GALNT16: variants seen among roughly 807,000 people sequenced by gnomAD.
GALNT16 encodes polypeptide N-acetylgalactosaminyltransferase 16, also known as UDP-GalNAc:polypeptide N-acetylgalactosaminyltransferase-like protein 1.
Under a neutral mutation model 76.1 loss-of-function variants are expected in GALNT16, and 40 were observed. The observed-to-expected ratio is 0.53, with a 90% CI of 0.41 to 0.68. The LOEUF (loss-of-function observed/expected upper bound fraction) is 0.68. Among genes scored for constraint, GALNT16 ranks in the 30% least tolerant of loss-of-function variants. The pLI is 0.00. For missense variants in GALNT16, 621 were observed against 731.9 expected (o/e 0.85, Z 1.75); for synonymous variants, 276 against 285.2 (o/e 0.97, Z 0.32).
intron 2 of GALNT16, among the ~76,000 whole-genome samples, chr14:69,324,201 G>A (rs995585187): frequency 2.6e-5 from 4 of 152,150 alleles, no homozygotes; most frequent in African/African-American, 9.6e-5. Flanking sequence ...GCAGTGACAG[G>A]GAGGAATTCC....
At chr14:69,357,063 C>T (rs935038591), downstream of GALNT16, 2 of 152,192 alleles carry the variant, frequency 1.3e-5, no homozygotes, top group African/African-American at 4.8e-5. Flanking sequence ...GGGGTGATGA[C>T]ACAAATGTAA....
chr14:69,338,249 G>A (rs968490772), intron 9 of GALNT16, among the ~76,000 whole-genome samples: 13 of 152,230 alleles, frequency 8.5e-5, no homozygotes, highest in Admixed American at 7.9e-4. Context: ...CTGGTTTTCC[G>A]ACCTCTCAGG....
At chr14:69,292,337 C>T (rs1447459698) in intron 1 of GALNT16, among the ~76,000 whole-genome samples, 1 of 152,242 alleles carries the variant, frequency 6.6e-6, no homozygotes, top group Non-Finnish European at 1.5e-5. Context: ...CCATTATGAA[C>T]TCTGTCCTGA....
chr14:69,313,888 C>G (rs2045063509), intron 1 of GALNT16, among the ~76,000 whole-genome samples: 1 of 152,230 alleles, frequency 6.6e-6, no homozygotes, highest in Non-Finnish European at 1.5e-5. Flanking sequence ...GGTTAGCCTT[C>G]CTGGGAACGG....
chr14:69,323,623 C>A (rs990536395), intron 2 of GALNT16, among the ~76,000 whole-genome samples: 6 of 152,170 alleles, frequency 3.9e-5, no homozygotes, highest in Non-Finnish European at 8.8e-5. Flanking sequence ...CCTTGAACAG[C>A]ATGGTTTCTC....
chr14:69,320,757 C>T lies in GALNT16; in HGVS notation c.224C>T (p.Ser75Leu), dbSNP rs775973077. Reference sequence around the variant, plus strand: ...GGCTTTGATGAGAAGGCCTACCTGTCGGCCAAGCAGCTGAAGGCTGGAGAG... The same window carrying T: ...GGCTTTGATGAGAAGGCCTACCTGTTGGCCAAGCAGCTGAAGGCTGGAGAG... ...SKGFDEKAYL[S>L]AKQLKAGEDP... is the part of the protein sequence containing the mutation. Residue 75 changes from serine to leucine, a missense_variant, in exon 2 of 15, where the codon TCG becomes TTG. Coordinates refer to ENST00000448469, the MANE Select transcript of GALNT16 (RefSeq NM_001168368.2). 40 of 1,614,124 alleles carry T rather than the reference C, an allele frequency of 2.5e-5. No homozygotes were observed. Among genetic ancestry groups the T allele is most frequent in the South Asian group, 1.2e-4 (11 of 91,070 alleles).
chr14:69,284,229 C>G (rs1329510759), intron 1 of GALNT16, among the ~76,000 whole-genome samples: 1 of 152,224 alleles, frequency 6.6e-6, no homozygotes, highest in South Asian at 2.1e-4. Flanking sequence ...AGAGCCACCA[C>G]TTCAATGCCA....
chr14:69,291,031 T>C (rs531975213), intron 1 of GALNT16, among the ~76,000 whole-genome samples: 1 of 152,246 alleles, frequency 6.6e-6, no homozygotes, highest in South Asian at 2.1e-4. Context: ...TGGTTCATGC[T>C]TATAATCCCA....
intron 6 of GALNT16, among the ~76,000 whole-genome samples, chr14:69,329,242 A>G (rs965754352): frequency 4.5e-4 from 68 of 152,246 alleles, no homozygotes; most frequent in Non-Finnish European, 7.5e-4. Context: ...CTGTGCTCCC[A>G]GCTACTTGGG....
chr14:69,340,129 A>G (rs756300039), intron 11 of GALNT16, among the ~76,000 whole-genome samples: 4 of 152,234 alleles, frequency 2.6e-5, no homozygotes, highest in Middle Eastern at 3.2e-3. Flanking sequence ...AGAGCAGGAT[A>G]GAAAATAAGA....
At chr14:69,282,152 T>C (rs1277637730) in intron 1 of GALNT16, among the ~76,000 whole-genome samples, 3 of 152,206 alleles carry the variant, frequency 2.0e-5, no homozygotes, top group Non-Finnish European at 4.4e-5. Flanking sequence ...TCAGAGAGGC[T>C]GTAACCTGGG....
chr14:69,346,273 A>G (rs1458503443), intron 12 of GALNT16, among the ~76,000 whole-genome samples: 2 of 152,246 alleles, frequency 1.3e-5, no homozygotes, highest in East Asian at 1.9e-4. Flanking sequence ...CTGTTGTTAG[A>G]TATCTAGAAA....
intron 1 of GALNT16, among the ~76,000 whole-genome samples, chr14:69,266,736 C>A (rs1243499601): frequency 6.6e-6 from 1 of 152,190 alleles, no homozygotes; most frequent in Non-Finnish European, 1.5e-5. Context: ...GACTCTCTGT[C>A]ATGAAATAGG....
the GALNT16 span, chr14:69,380,380 A>G: frequency 3.8e-4 from 172 of 448,194 alleles, 1 homozygote; most frequent in African/African-American, 2.6e-3. Flanking sequence ...GGGGTTTCCG[A>G]TTGAACAAGA....
chr14:69,333,348 T>TG lies in GALNT16; in HGVS notation c.864-143dup. The stretch of plus-strand genomic sequence containing the variant: ...AGGACAGAGGCCACGGGAACAGATG[T>TG]GGGGGGCCAGGGAGCTGGCCAGACA... On this transcript the variant is annotated intron_variant, in intron 8 of 14. Coordinates refer to ENST00000448469, the MANE Select transcript of GALNT16 (RefSeq NM_001168368.2). The surrounding 1 kb of genome is among the most constrained non-coding windows in gnomAD (Gnocchi z 4.2). 1.4e-6 allele frequency: 1 copy of TG among 706,314 alleles called. No individual in the cohort carries two copies. Among genetic ancestry groups the TG allele is most frequent in the Non-Finnish European group, 2.5e-6 (1 of 398,604 alleles). 43.8% of individuals were successfully genotyped at this position (706,314 alleles called of 1,614,324 possible).
intron 12 of GALNT16, among the ~76,000 whole-genome samples, chr14:69,343,709 C>T (rs2045524124): frequency 6.6e-6 from 1 of 152,218 alleles, no homozygotes; most frequent in Non-Finnish European, 1.5e-5. Flanking sequence ...AGCCCTAGGG[C>T]AGGAGCTGGG....
rs1233238402 is a variant in GALNT16 at position 69,352,878 on chromosome 14, G to A, written c.*710G>A. Reference sequence around the variant, plus strand: ...CCACACTTTACCAGCCCCAGGGTCTGAGCCCGACGCTGCCTCTTCCGGTCC... The same window carrying A: ...CCACACTTTACCAGCCCCAGGGTCTAAGCCCGACGCTGCCTCTTCCGGTCC... On this transcript the variant is annotated 3_prime_UTR_variant, in exon 15 of 15. Coordinates refer to ENST00000448469, the MANE Select transcript of GALNT16 (RefSeq NM_001168368.2). 6.6e-6 allele frequency among the ~76,000 whole-genome samples: 1 copy of A among 152,230 alleles called. No individual in the cohort carries two copies. Among genetic ancestry groups the A allele is most frequent in the East Asian group, 1.9e-4 (1 of 5,196 alleles).
chr14:69,322,881 G>T (rs1303450), intron 2 of GALNT16, among the ~76,000 whole-genome samples: 1 of 149,462 alleles, frequency 6.7e-6, no homozygotes, highest in African/African-American at 2.5e-5. Flanking sequence ...CCAGAGTAAG[G>T]CTCCGTCTCA....
rs199710099 is a variant in GALNT16 at position 69,260,508 on chromosome 14, G to A, written c.177+41G>A. The A allele has an allele frequency of 2.2e-4, 282 of 1,310,010 alleles. No individual in the cohort carries two copies. In the African/African-American group the frequency reaches 4.1e-3, roughly 19 times the overall value. The allele number at this position is 1,310,010 out of a possible 1,614,324, so 81.1% of individuals were successfully genotyped here. On this transcript the variant is annotated intron_variant, in intron 1 of 14. Coordinates refer to ENST00000448469, the MANE Select transcript of GALNT16 (RefSeq NM_001168368.2). ...GCGTCGGCCGGCCGGCTAGGGAGCCGCGGCGCGCGTCCAGACCCTGCGCGG... is the reference window on the plus strand; with the variant it reads ...GCGTCGGCCGGCCGGCTAGGGAGCCACGGCGCGCGTCCAGACCCTGCGCGG...
Sources: gnomAD v4.1 joint callset for allele counts (sites outside exome capture counted in the v4.1 genomes callset) on GRCh38, gnomAD v4.1.1 for gene constraint, Gnocchi (gnomAD v3.1) non-coding constraint, MANE v1.5 for transcripts, NCBI Gene and HGNC (gene_info 2026-07-23, HGNC 2026-07-21) for gene names.